The following PPM1E variants were observed in gnomAD, a reference collection of about 807,000 sequenced individuals.
PPM1E encodes protein phosphatase, Mg2+/Mn2+ dependent 1E.
Under a neutral mutation model 65.9 loss-of-function variants are expected in PPM1E, and 20 were observed. The ratio of observed to expected loss-of-function variants is 0.30; its 90% confidence interval spans 0.21 to 0.44. The LOEUF (loss-of-function observed/expected upper bound fraction) is 0.44, where lower values mean the gene tolerates loss of function less well. PPM1E is among the 20% of genes least tolerant of loss of function. PPM1E has a pLI of 1.00. For missense variants in PPM1E, 713 were observed against 953.1 expected (o/e 0.75, Z 3.32); for synonymous variants, 352 against 374.9 (o/e 0.94, Z 0.70).
At position 58,980,977 on chromosome 17, in the gene PPM1E, A is replaced by C. The variant is rs139507695; in HGVS notation, c.2214A>C (p.Arg738Ser). 1.2e-6 allele frequency: 2 copies of C among 1,614,064 alleles called. No homozygotes were observed. Among genetic ancestry groups the C allele is most frequent in the Non-Finnish European group, 1.7e-6 (2 of 1,179,986 alleles). ...KGYSENMRKL[R>S]KTHDIPCPDL... ...ACAGTGAAAACATGAGGAAGCTCAGAAAGACTCATGATATTCCATGCCCAG... is the reference window on the plus strand; with the variant it reads ...ACAGTGAAAACATGAGGAAGCTCAGCAAGACTCATGATATTCCATGCCCAG... Residue 738 changes from arginine (R) to serine (S), a missense_variant, in exon 7 of 7, where the codon AGA (arginine) becomes AGC (serine). By Grantham distance (110) the Arg-to-Ser change is moderately radical. Around this residue, in one of 6 missense-constraint regions of PPM1E, gnomAD observed 286 missense variants for 313.8 expected, o/e 0.91. Coordinates refer to ENST00000308249, the MANE Select transcript of PPM1E (RefSeq NM_014906.5). This position sits in a 1 kb window ranked among gnomAD's most constrained non-coding sequence, Gnocchi z 4.7.
chr17:58,875,616 A>G (rs2051119282), intron 1 of PPM1E, among the ~76,000 whole-genome samples: 1 of 152,182 alleles, frequency 6.6e-6, no homozygotes, highest in African/African-American at 2.4e-5. Flanking sequence ...ATAAATACCT[A>G]CATAAAAAGC....
chr17:58,943,300 T>TA (rs1275813233), intron 1 of PPM1E, among the ~76,000 whole-genome samples: 1 of 151,626 alleles, frequency 6.6e-6, no homozygotes, highest in Non-Finnish European at 1.5e-5. Flanking sequence ...AAAACTTAAA[T>TA]AAAAAACAAA....
chr17:58,769,557 A>G (rs962994939), intron 1 of PPM1E, among the ~76,000 whole-genome samples: 2 of 152,146 alleles, frequency 1.3e-5, no homozygotes, highest in Non-Finnish European at 2.9e-5. Context: ...CGGAGGTTGC[A>G]GTGAATCAAG....
At chr17:58,979,282 A>T (rs573800343) in intron 6 of PPM1E, among the ~76,000 whole-genome samples, 1 of 152,276 alleles carries the variant, frequency 6.6e-6, no homozygotes, top group Admixed American at 6.5e-5. Context: ...TGTTCTCTAG[A>T]AGTTACAGGT....
chr17:58,965,937 A>G (rs752308115), intron 3 of PPM1E, 44 bp downstream of exon 3: 6 of 1,560,496 alleles, frequency 3.8e-6, no homozygotes, highest in Non-Finnish European at 5.3e-6. Flanking sequence ...TAAAGACAAA[A>G]CAAACACCTT....
rs547012217 is a variant in PPM1E, at chr17:58,843,585, G to A, written c.464+87124G>A. 3.9e-5 allele frequency among the ~76,000 whole-genome samples: 6 copies of A among 152,172 alleles called. No individual in the cohort carries two copies. The East Asian group carries it at 1.2e-3, about 29-fold the overall frequency. On this transcript the variant is annotated intron_variant, in intron 1 of 6. Transcript: ENST00000308249. ...CACACCTGTAATCCTAGCACTTTGG[G>A]AGGCCGAGGCAAGCGGATTGCTTGC...
chr17:58,872,345 C>A (rs963393333), intron 1 of PPM1E, among the ~76,000 whole-genome samples: 6 of 152,026 alleles, frequency 3.9e-5, no homozygotes, highest in Non-Finnish European at 5.9e-5. Flanking sequence ...AATGTTTAAA[C>A]CTCTACCAAG....
intron 3 of PPM1E, among the ~76,000 whole-genome samples, chr17:58,968,445 G>T (rs754314737): frequency 6.6e-6 from 1 of 152,018 alleles, no homozygotes; most frequent in Non-Finnish European, 1.5e-5. Flanking sequence ...TAAATAAAAA[G>T]AACTTTTTCA....
chr17:58,857,111 A>G (rs2050891288), intron 1 of PPM1E, among the ~76,000 whole-genome samples: 1 of 152,186 alleles, frequency 6.6e-6, no homozygotes. Flanking sequence ...AAATAAGTTA[A>G]ATACACTATG....
At chr17:58,930,687 CAT>C (rs1420288225) in intron 1 of PPM1E, among the ~76,000 whole-genome samples, 1 of 151,740 alleles carries the variant, frequency 6.6e-6, no homozygotes, top group African/African-American at 2.4e-5. Flanking sequence ...AAATAATGGA[CAT>C]ATTGGAAGTG....
intron 2 of PPM1E, among the ~76,000 whole-genome samples, chr17:58,961,849 G>A (rs1169681939): frequency 2.6e-5 from 4 of 152,032 alleles, no homozygotes; most frequent in Non-Finnish European, 1.5e-5. Flanking sequence ...TGTTGGCCAG[G>A]CTGGAGTGCA....
intron 4 of PPM1E, among the ~76,000 whole-genome samples, chr17:58,971,629 C>T (rs573969726): frequency 6.6e-6 from 1 of 152,106 alleles, no homozygotes; most frequent in Non-Finnish European, 1.5e-5. Context: ...GCTTAATTTC[C>T]AGAGATTAGA....
intron 3 of PPM1E, chr17:58,966,868 T>C (rs2030287107): frequency 1.3e-5 from 2 of 152,556 alleles, no homozygotes; most frequent in Admixed American, 1.3e-4. Context: ...TGTCAAGGTC[T>C]AATCAGCAAT....
chr17:58,908,917 C>T (rs2051590400), intron 1 of PPM1E, among the ~76,000 whole-genome samples: 2 of 152,030 alleles, frequency 1.3e-5, no homozygotes, highest in African/African-American at 4.8e-5. Flanking sequence ...ATTTATTTTA[C>T]CTATATATAA....
intron 1 of PPM1E, among the ~76,000 whole-genome samples, chr17:58,774,023 G>A (rs1598561959): frequency 6.6e-6 from 1 of 152,026 alleles, no homozygotes; most frequent in Non-Finnish European, 1.5e-5. Flanking sequence ...TTAGCTGGGT[G>A]TGGTGACACA....
chr17:58,938,452 C>A (rs2052016091), intron 1 of PPM1E, among the ~76,000 whole-genome samples: 1 of 152,134 alleles, frequency 6.6e-6, no homozygotes, highest in Non-Finnish European at 1.5e-5. Context: ...TATTTTCAGG[C>A]TCCAAAGTCA....
At chr17:58,933,793 T>A in intron 1 of PPM1E, among the ~76,000 whole-genome samples, 1 of 100,340 alleles carries the variant, frequency 1.0e-5, no homozygotes, top group African/African-American at 3.8e-5. Context: ...AAACCCTATC[T>A]CAAAAGAAAA....
At chr17:58,968,307 C>A (rs764476562) in intron 3 of PPM1E, among the ~76,000 whole-genome samples, 1 of 152,032 alleles carries the variant, frequency 6.6e-6, no homozygotes, top group Non-Finnish European at 1.5e-5. Context: ...TGCCTGTAAT[C>A]CCAGCTACTT....
chr17:58,857,493 C>T (rs1368518800), intron 1 of PPM1E, among the ~76,000 whole-genome samples: 2 of 152,000 alleles, frequency 1.3e-5, no homozygotes, highest in Non-Finnish European at 2.9e-5. Flanking sequence ...GCTTCAGTTT[C>T]TCTATCTGTA....
Sources: gnomAD v4.1 joint callset for allele counts (sites outside exome capture counted in the v4.1 genomes callset) on GRCh38, gnomAD v4.1.1 for gene constraint, gnomAD v4.1.1 regional missense constraint, Gnocchi (gnomAD v3.1) non-coding constraint, MANE v1.5 for transcripts, NCBI Gene and HGNC (gene_info 2026-07-23, HGNC 2026-07-21) for gene names.